OR2G2: variants seen among roughly 807,000 people sequenced by gnomAD.
The protein encoded by OR2G2 is olfactory receptor family 2 subfamily G member 2.
For synonymous variants in OR2G2, 176 were observed against 152.4 expected (o/e 1.16, Z -1.14); for missense variants, 460 against 389.7 (o/e 1.18, Z -1.52).
At position 247,588,451 on chromosome 1, in the gene OR2G2, T is replaced by C. The variant is rs1669070780; in HGVS notation, c.92T>C (p.Phe31Ser). The change falls in exon 1 of 1, where the codon TTT becomes TCT. Residue 31 changes from phenylalanine (F) to serine (S), a missense_variant. Transcript: ENST00000320065. ...SDYPQLQKVL[F>S]VLILILYLLT... Reference sequence around the variant, plus strand: ...TATCCTCAGTTACAGAAGGTTCTATTTGTGCTCATATTGATTCTGTATTTA... The same window carrying C: ...TATCCTCAGTTACAGAAGGTTCTATCTGTGCTCATATTGATTCTGTATTTA... The C allele has an allele frequency of 1.9e-6, 3 of 1,614,024 alleles. No homozygotes were observed. The highest frequency in any genetic ancestry group is 2.5e-6 in the Non-Finnish European group (3 of 1,179,872).
At position 247,589,203 on chromosome 1, in the gene OR2G2, A is replaced by G. The variant is rs1339389896; in HGVS notation, c.844A>G (p.Thr282Ala). 2 of 1,614,082 alleles carry G rather than the reference A, an allele frequency of 1.2e-6. No homozygotes were observed. The highest frequency in any genetic ancestry group is 1.7e-5 in the Admixed American group (1 of 60,012). Residue 282 changes from threonine to alanine, a missense_variant, in exon 1 of 1, where the codon ACT (threonine) becomes GCT (alanine). Transcript: ENST00000320065. Reference protein sequence around the residue: ...DQGKFVSLFYTVVTRMLNPLI... With the variant: ...DQGKFVSLFYAVVTRMLNPLI... ...GGGCAAGTTTGTTTCTCTCTTCTAC[A>G]CTGTGGTAACCCGCATGCTTAACCC...
Position 247,588,946 on chromosome 1 carries a change from C to T in OR2G2, c.587C>T (p.Thr196Met), listed in dbSNP as rs760303730. ...ATCAAGCTGGCTTGTGTGGGCACCA[C>T]GTTTAACGAGGCTGAGCTTTTTGTG... ...VLIKLACVGT[T>M]FNEAELFVAS... Residue 196 changes from threonine (T) to methionine (M), a missense_variant, in exon 1 of 1, where the codon ACG becomes ATG. By Grantham distance (81) the Thr-to-Met change is moderately conservative (BLOSUM62 -1). Transcript: ENST00000320065. 94 of 1,614,066 alleles carry T rather than the reference C, an allele frequency of 5.8e-5. No individual in the cohort carries two copies. The highest frequency in any genetic ancestry group is 7.6e-5 in the Non-Finnish European group (90 of 1,180,022).
In OR2G2 at chr1:247,589,066, G is replaced by A. The variant is rs1289651797; in HGVS notation, c.707G>A (p.Arg236Lys). 6.2e-7 allele frequency: 1 copy of A among 1,614,184 alleles called. No homozygotes were observed. The highest frequency in any genetic ancestry group is 8.5e-7 in the Non-Finnish European group (1 of 1,180,020). ...GTGTTGAGGATTAAGTCAGCTACCAGGAGACAGAAAGCATTCGGGACCTGC... is the reference window on the plus strand; with the variant it reads ...GTGTTGAGGATTAAGTCAGCTACCAAGAGACAGAAAGCATTCGGGACCTGC... ...HAVLRIKSAT[R>K]RQKAFGTCFS... Residue 236 changes from arginine to lysine, a missense_variant, in exon 1 of 1, where the codon AGG becomes AAG. By Grantham distance (26) the Arg-to-Lys change is conservative. Coordinates refer to ENST00000320065, the MANE Select transcript of OR2G2 (RefSeq NM_001001915.1).
At position 247,589,044 on chromosome 1, in the gene OR2G2, T is replaced by C. The variant is rs1333424806; in HGVS notation, c.685T>C (p.Leu229=). 1 of 1,614,212 alleles carries C rather than the reference T, an allele frequency of 6.2e-7. No homozygotes were observed. Among genetic ancestry groups the C allele is most frequent in the East Asian group, 2.2e-5 (1 of 44,884 alleles). The change falls in exon 1 of 1, where the codon TTG becomes CTG. Residue 229 remains leucine, a synonymous_variant. Coordinates refer to ENST00000320065, the MANE Select transcript of OR2G2 (RefSeq NM_001001915.1). Reference sequence around the variant, plus strand: ...CTCTGGCTACATTGCCCACGCAGTGTTGAGGATTAAGTCAGCTACCAGGAG... The same window carrying C: ...CTCTGGCTACATTGCCCACGCAGTGCTGAGGATTAAGTCAGCTACCAGGAG... ...VSSGYIAHAV[L]RIKSATRRQK... is the part of the protein sequence containing the mutation.
At position 247,588,810 on chromosome 1, in the gene OR2G2, G is replaced by A. The variant is rs1476622653; in HGVS notation, c.451G>A (p.Ala151Thr). 1.2e-6 allele frequency: 2 copies of A among 1,614,132 alleles called. No homozygotes were observed. Among genetic ancestry groups the A allele is most frequent in the South Asian group, 1.1e-5 (1 of 91,086 alleles). The part of the protein sequence containing the change: ...IHLCMALASM[A>T]WLSGIATTLV... ...TCTCTGCATGGCCTTGGCATCTATG[G>A]CATGGCTCAGTGGAATAGCCACCAC... The change falls in exon 1 of 1, where the codon GCA (alanine) becomes ACA (threonine). Residue 151 changes from alanine to threonine, a missense_variant. By Grantham distance (58) the Ala-to-Thr change is moderately conservative. Coordinates refer to ENST00000320065, the MANE Select transcript of OR2G2 (RefSeq NM_001001915.1).
In OR2G2 at chr1:247,588,927, C is replaced by T. The variant is rs1669082739; in HGVS notation, c.568C>T (p.Leu190=). ...CTGCGAGGTCCCTGTGCTCATCAAGCTGGCTTGTGTGGGCACCACGTTTAA... is the reference window on the plus strand; with the variant it reads ...CTGCGAGGTCCCTGTGCTCATCAAGTTGGCTTGTGTGGGCACCACGTTTAA... The part of the protein sequence containing the change: ...FICEVPVLIK[L]ACVGTTFNEA... The change falls in exon 1 of 1, where the codon CTG becomes TTG. Residue 190 remains leucine (L), a synonymous_variant. Transcript: ENST00000320065. The T allele has an allele frequency of 6.2e-7, 1 of 1,614,260 alleles. No individual in the cohort carries two copies. Among genetic ancestry groups the T allele is most frequent in the African/African-American group, 1.3e-5 (1 of 75,068 alleles).
chr1:247,588,784 A>G lies in OR2G2; in HGVS notation c.425A>G (p.His142Arg), dbSNP rs1429570273. ...CATTACACTGTCTTAATGCATATCC[A>G]TCTCTGCATGGCCTTGGCATCTATG... ...PLHYTVLMHI[H>R]LCMALASMAW... Residue 142 changes from histidine to arginine, a missense_variant, in exon 1 of 1, where the codon CAT becomes CGT. Physicochemically the swap from His to Arg is conservative, Grantham distance 29. Transcript: ENST00000320065. 4 of 1,613,798 alleles carry G rather than the reference A, an allele frequency of 2.5e-6. No individual in the cohort carries two copies. The African/African-American group carries it at 5.3e-5, about 22-fold the overall frequency.
Position 247,588,629 on chromosome 1 carries a change from A to G in OR2G2, c.270A>G (p.Glu90=). Residue 90 remains glutamate (E), a synonymous_variant, in exon 1 of 1, where the codon GAA becomes GAG. Coordinates refer to ENST00000320065, the MANE Select transcript of OR2G2 (RefSeq NM_001001915.1). ...VIPQLLVNLW[E]PMKTIAYGGC... Reference sequence around the variant, plus strand: ...CCCAGCTCCTGGTAAACCTGTGGGAACCCATGAAAACTATCGCCTATGGTG... The same window carrying G: ...CCCAGCTCCTGGTAAACCTGTGGGAGCCCATGAAAACTATCGCCTATGGTG... 6.2e-7 allele frequency: 1 copy of G among 1,614,122 alleles called. No individual in the cohort carries two copies.
chr1:247,589,229 T>C lies in OR2G2; in HGVS notation c.870T>C (p.Pro290=), dbSNP rs1214134353. 6 of 1,614,044 alleles carry C rather than the reference T, an allele frequency of 3.7e-6. No individual in the cohort carries two copies. The highest frequency in any genetic ancestry group is 5.1e-6 in the Non-Finnish European group (6 of 1,179,964). ...CTGTGGTAACCCGCATGCTTAACCC[T>C]CTTATTTATACCTTGAGGATCAAGG... ...FYTVVTRMLN[P]LIYTLRIKEV... Residue 290 remains proline, a synonymous_variant, in exon 1 of 1, where the codon CCT becomes CCC. Transcript: ENST00000320065.
At position 247,589,240 on chromosome 1, in the gene OR2G2, C is replaced by A; in HGVS notation, c.881C>A (p.Thr294Asn). The change falls in exon 1 of 1, where the codon ACC becomes AAC. Residue 294 changes from threonine (T) to asparagine (N), a missense_variant. Thr to Asn is a moderately conservative substitution (Grantham distance 65). Transcript: ENST00000320065. ...VTRMLNPLIY[T>N]LRIKEVKGAL... is the part of the protein sequence containing the mutation. ...CGCATGCTTAACCCTCTTATTTATA[C>A]CTTGAGGATCAAGGAGGTGAAAGGG... 6.2e-7 allele frequency: 1 copy of A among 1,613,816 alleles called. No homozygotes were observed. Among genetic ancestry groups the A allele is most frequent in the Non-Finnish European group, 8.5e-7 (1 of 1,179,886 alleles).
chr1:247,588,541 C>T lies in OR2G2; in HGVS notation c.182C>T (p.Pro61Leu), dbSNP rs893650437. 12 of 1,614,140 alleles carry T rather than the reference C, an allele frequency of 7.4e-6. No individual in the cohort carries two copies. Among genetic ancestry groups the T allele is most frequent in the East Asian group, 2.2e-5 (1 of 44,888 alleles). ...CGTCTGGAACCCAAGCTTCATATGC[C>T]GATGTATTTCTTCCTTTCTCATCTC... ...VSRLEPKLHM[P>L]MYFFLSHLSF... The change falls in exon 1 of 1, where the codon CCG becomes CTG. Residue 61 changes from proline (P) to leucine (L), a missense_variant. Physicochemically the swap from Pro to Leu is moderately conservative, Grantham distance 98 (BLOSUM62 -3). Coordinates refer to ENST00000320065, the MANE Select transcript of OR2G2 (RefSeq NM_001001915.1).
Position 247,589,271 on chromosome 1 carries a change from AAAG to A in OR2G2, c.915_917del (p.Lys306del), listed in dbSNP as rs757180401. 6.2e-7 allele frequency: 1 copy of A among 1,607,190 alleles called. No homozygotes were observed. The highest frequency in any genetic ancestry group is 2.2e-5 in the East Asian group (1 of 44,814). The stretch of plus-strand genomic sequence containing the variant: ...GGATCAAGGAGGTGAAAGGGGCATT[AAAG>A]AAAGTTCTAGCAAAGGCTCTGGGAG... On this transcript the variant is annotated inframe_deletion, in exon 1 of 1. Coordinates refer to ENST00000320065, the MANE Select transcript of OR2G2 (RefSeq NM_001001915.1).
chr1:247,588,542 G>A lies in OR2G2; in HGVS notation c.183G>A (p.Pro61=), dbSNP rs1177469166. 16 of 1,614,122 alleles carry A rather than the reference G, an allele frequency of 9.9e-6. No homozygotes were observed. The East Asian group carries it at 1.1e-4, about 11-fold the overall frequency. Residue 61 remains proline, a synonymous_variant, in exon 1 of 1, where the codon CCG becomes CCA. Coordinates refer to ENST00000320065, the MANE Select transcript of OR2G2 (RefSeq NM_001001915.1). ...VSRLEPKLHM[P]MYFFLSHLSF... The stretch of plus-strand genomic sequence containing the variant: ...GTCTGGAACCCAAGCTTCATATGCC[G>A]ATGTATTTCTTCCTTTCTCATCTCT...
At position 247,589,076 on chromosome 1, in the gene OR2G2, A is replaced by T. The variant is rs761594043; in HGVS notation, c.717A>T (p.Lys239Asn). 1.9e-6 allele frequency: 3 copies of T among 1,614,206 alleles called. No individual in the cohort carries two copies. Among genetic ancestry groups the T allele is most frequent in the Non-Finnish European group, 2.5e-6 (3 of 1,180,018 alleles). ...LRIKSATRRQ[K>N]AFGTCFSHLT... ...TTAAGTCAGCTACCAGGAGACAGAA[A>T]GCATTCGGGACCTGCTTCTCCCACC... The change falls in exon 1 of 1, where the codon AAA (lysine) becomes AAT (asparagine). Residue 239 changes from lysine (K) to asparagine (N), a missense_variant. Lys to Asn is a moderately conservative substitution (Grantham distance 94, BLOSUM62 0). Transcript: ENST00000320065.
chr1:247,588,397 C>G lies in OR2G2; in HGVS notation c.38C>G (p.Ala13Gly), dbSNP rs775382596. 1.2e-5 allele frequency: 19 copies of G among 1,612,476 alleles called. No individual in the cohort carries two copies. In the Admixed American group the frequency reaches 2.7e-4, roughly 23 times the overall value. Residue 13 changes from alanine to glycine, a missense_variant, in exon 1 of 1, where the codon GCA becomes GGA. By Grantham distance (60) the Ala-to-Gly change is moderately conservative (BLOSUM62 0). Transcript: ENST00000320065. ...AGACATACCAATGAGAGCAACCTAGCAGGTTTCATCCTTTTAGGGTTTTCT... is the reference window on the plus strand; with the variant it reads ...AGACATACCAATGAGAGCAACCTAGGAGGTTTCATCCTTTTAGGGTTTTCT... Reference protein sequence around the residue: ...MVRHTNESNLAGFILLGFSDY... With the variant: ...MVRHTNESNLGGFILLGFSDY...
At position 247,588,577 on chromosome 1, in the gene OR2G2, A is replaced by G. The variant is rs1669074187; in HGVS notation, c.218A>G (p.Tyr73Cys). Residue 73 changes from tyrosine (Y) to cysteine (C), a missense_variant, in exon 1 of 1, where the codon TAC (tyrosine) becomes TGC (cysteine). Physicochemically the swap from Tyr to Cys is radical, Grantham distance 194 (BLOSUM62 -2). Transcript: ENST00000320065. ...TTCCTTTCTCATCTCTCCTTCCTGTACCGCTGCTTCACCAGCAGTGTTATT... is the reference window on the plus strand; with the variant it reads ...TTCCTTTCTCATCTCTCCTTCCTGTGCCGCTGCTTCACCAGCAGTGTTATT... ...YFFLSHLSFL[Y>C]RCFTSSVIPQ... 6.2e-7 allele frequency: 1 copy of G among 1,613,994 alleles called. No homozygotes were observed. Among genetic ancestry groups the G allele is most frequent in the African/African-American group, 1.3e-5 (1 of 74,884 alleles).
chr1:247,588,868 C>T lies in OR2G2; in HGVS notation c.509C>T (p.Pro170Leu), dbSNP rs1433114826. 2 of 1,614,200 alleles carry T rather than the reference C, an allele frequency of 1.2e-6. No homozygotes were observed. The highest frequency in any genetic ancestry group is 1.3e-5 in the African/African-American group (1 of 75,046). The part of the protein sequence containing the change: ...LVQSTLTLQL[P>L]FCGHRQVDHF... Reference sequence around the variant, plus strand: ...CAGTCCACCCTCACCCTGCAGCTGCCCTTCTGTGGGCATCGCCAAGTGGAT... The same window carrying T: ...CAGTCCACCCTCACCCTGCAGCTGCTCTTCTGTGGGCATCGCCAAGTGGAT... Residue 170 changes from proline (P) to leucine (L), a missense_variant, in exon 1 of 1, where the codon CCC (proline) becomes CTC (leucine). Physicochemically the swap from Pro to Leu is moderately conservative, Grantham distance 98. Transcript: ENST00000320065.
Position 247,588,991 on chromosome 1 carries a change from T to G in OR2G2, c.632T>G (p.Ile211Arg). Reference sequence around the variant, plus strand: ...TTTGTGGCTAGTATCCTTTTCCTTATAGTGCCTGTCTCATTCATCCTGGTC... The same window carrying G: ...TTTGTGGCTAGTATCCTTTTCCTTAGAGTGCCTGTCTCATTCATCCTGGTC... ...ELFVASILFL[I>R]VPVSFILVSS... The change falls in exon 1 of 1, where the codon ATA becomes AGA. Residue 211 changes from isoleucine to arginine, a missense_variant. Ile to Arg is a moderately conservative substitution (Grantham distance 97). Transcript: ENST00000320065. 6.2e-7 allele frequency: 1 copy of G among 1,614,226 alleles called. No individual in the cohort carries two copies. Among genetic ancestry groups the G allele is most frequent in the Non-Finnish European group, 8.5e-7 (1 of 1,180,036 alleles).
rs542112980 is a variant in OR2G2, at chr1:247,588,440, G to A, written c.81G>A (p.Gln27=). ...LLGFSDYPQL[Q]KVLFVLILIL... is the part of the protein sequence containing the mutation. ...GGTTTTCTGATTATCCTCAGTTACAGAAGGTTCTATTTGTGCTCATATTGA... is the reference window on the plus strand; with the variant it reads ...GGTTTTCTGATTATCCTCAGTTACAAAAGGTTCTATTTGTGCTCATATTGA... The change falls in exon 1 of 1, where the codon CAG becomes CAA. Residue 27 remains glutamine (Q), a synonymous_variant. Coordinates refer to ENST00000320065, the MANE Select transcript of OR2G2 (RefSeq NM_001001915.1). 6.2e-7 allele frequency: 1 copy of A among 1,614,164 alleles called. No homozygotes were observed. The highest frequency in any genetic ancestry group is 1.3e-5 in the African/African-American group (1 of 75,054).
Sources: allele counts gnomAD v4.1 joint callset, GRCh38; gene constraint gnomAD v4.1.1; transcripts MANE v1.5; gene names NCBI Gene and HGNC (gene_info 2026-07-23, HGNC 2026-07-21).